The following CABCOCO1 variants were observed in gnomAD, a reference collection of about 807,000 sequenced individuals.
The protein encoded by CABCOCO1 is ciliary-associated calcium-binding coiled-coil protein 1.
In CABCOCO1, 28 loss-of-function variants were observed where a neutral mutation model predicts 35.7. That is an observed-to-expected ratio of 0.78 (90% confidence interval 0.58 to 1.07). CABCOCO1 has a LOEUF of 1.07. CABCOCO1 is among the 50% of genes least tolerant of loss of function. The probability of loss-of-function intolerance (pLI) is 0.00; values close to 1 mark genes in which losing one functional copy is unlikely to be tolerated. For missense variants in CABCOCO1, 326 were observed against 309.2 expected, an observed-to-expected ratio of 1.05 and a Z score of -0.41; for synonymous variants, 95 against 100.1, an observed-to-expected ratio of 0.95 and a Z score of 0.30.
At chr10:61,693,836 A>G (rs1232458641) in intron 5 of CABCOCO1, among the ~76,000 whole-genome samples, 1 of 151,938 alleles carries the variant, frequency 6.6e-6, no homozygotes, top group Non-Finnish European at 1.5e-5. Flanking sequence ...AGGGCAGAAG[A>G]CATGGAATAT....
intron 6 of CABCOCO1, among the ~76,000 whole-genome samples, 156 bp downstream of exon 6, chr10:61,760,337 C>T (rs61850527): frequency 0.042 from 6,444 of 152,062 alleles, 242 homozygotes; most frequent in African/African-American, 0.091. Flanking sequence ...AAGATGAGTC[C>T]GCTGATGGTA....
chr10:61,751,406 A>G (rs114812212), intron 5 of CABCOCO1, among the ~76,000 whole-genome samples: 15 of 152,050 alleles, frequency 9.9e-5, no homozygotes, highest in South Asian at 6.2e-4. Context: ...GGTGCCCCCA[A>G]TGAGTTTTAT....
rs188407302 is a variant in CABCOCO1 at position 61,663,850 on chromosome 10, C to G, written c.60+818C>G. Among the ~76,000 whole-genome samples the G allele has an allele frequency of 1.2e-3, 189 of 152,236 alleles. 1 individual carries two copies. The highest frequency in any genetic ancestry group is 2.0e-3 in the Non-Finnish European group (137 of 68,030). The stretch of plus-strand genomic sequence containing the variant: ...AAAAAAAAAAGTTTAAATCTTTGCA[C>G]ACGGAGTCTGTTACGATTGTTCCTA... On this transcript the variant is annotated intron_variant, in intron 1 of 7. Transcript: ENST00000648843.
rs945465294 is a variant in CABCOCO1, at chr10:61,680,693, C to T, written c.165-450C>T. On this transcript the variant is annotated intron_variant, in intron 2 of 7. Coordinates refer to ENST00000648843, the MANE Select transcript of CABCOCO1 (RefSeq NM_001366906.2). ...TAACATATATGTTATACATGTATAA[C>T]ATATATATGTTATACATGTATAACA... Among the ~76,000 whole-genome samples, 20 of 53,606 alleles carry T rather than the reference C, an allele frequency of 3.7e-4. 2 individuals are homozygous for T. Among genetic ancestry groups the T allele is most frequent in the Admixed American group, 8.4e-4 (4 of 4,746 alleles). 35.2% of individuals were successfully genotyped at this position (53,606 alleles called of 152,430 possible). A position where few individuals can be genotyped will look rare whatever the true frequency, so the allele number is the denominator to read the frequency against.
chr10:61,729,778 GC>G (rs953270500), intron 5 of CABCOCO1, among the ~76,000 whole-genome samples: 10 of 152,112 alleles, frequency 6.6e-5, no homozygotes, highest in Non-Finnish European at 1.3e-4. Context: ...ATATTACTCA[GC>G]CTTTAAAAAG....
At chr10:61,746,074 A>T (rs1841653252) in intron 5 of CABCOCO1, among the ~76,000 whole-genome samples, 1 of 152,208 alleles carries the variant, frequency 6.6e-6, no homozygotes, top group African/African-American at 2.4e-5. Context: ...AGTCTACAAA[A>T]TATAGGCCTA....
At chr10:61,747,609 G>T (rs1430361561) in intron 5 of CABCOCO1, among the ~76,000 whole-genome samples, 3 of 152,120 alleles carry the variant, frequency 2.0e-5, no homozygotes, top group Non-Finnish European at 2.9e-5. Context: ...TTTAGCCCTG[G>T]TTTCTTGTTT....
intron 1 of CABCOCO1, among the ~76,000 whole-genome samples, chr10:61,667,249 A>G (rs1363499515): frequency 6.7e-6 from 1 of 148,940 alleles, no homozygotes; most frequent in Non-Finnish European, 1.5e-5. Context: ...AATTTTGTAT[A>G]TGCATACATA....
At chr10:61,667,724 A>G (rs926844828) in intron 1 of CABCOCO1, among the ~76,000 whole-genome samples, 1 of 151,904 alleles carries the variant, frequency 6.6e-6, no homozygotes, top group African/African-American at 2.4e-5. Context: ...TGTTATATAG[A>G]ACCATCTTGC....
At chr10:61,675,093 T>A (rs1366703149) in intron 2 of CABCOCO1, among the ~76,000 whole-genome samples, 1 of 152,126 alleles carries the variant, frequency 6.6e-6, no homozygotes, top group Non-Finnish European at 1.5e-5. Context: ...TTACCCAAAT[T>A]CTTGGTGAGA....
intron 5 of CABCOCO1, among the ~76,000 whole-genome samples, chr10:61,759,727 A>G (rs907044750): frequency 7.2e-5 from 11 of 152,056 alleles, no homozygotes; most frequent in African/African-American, 2.4e-4. Flanking sequence ...CAGAGCATCT[A>G]AAACTTGGTT....
chr10:61,755,738 A>T (rs143608780), intron 5 of CABCOCO1, among the ~76,000 whole-genome samples: 2 of 152,198 alleles, frequency 1.3e-5, no homozygotes, highest in African/African-American at 4.8e-5. Context: ...CACACAAATC[A>T]CTATACTTTC....
chr10:61,765,504 A>G (rs889609247), intron 7 of CABCOCO1, among the ~76,000 whole-genome samples: 1 of 152,188 alleles, frequency 6.6e-6, no homozygotes, highest in African/African-American at 2.4e-5. Flanking sequence ...TTATTTCACA[A>G]CAGAAGCTTC....
intron 5 of CABCOCO1, among the ~76,000 whole-genome samples, chr10:61,703,230 AC>A (rs1840505464): frequency 4.1e-5 from 2 of 48,546 alleles, no homozygotes; most frequent in Non-Finnish European, 9.5e-5. Context: ...GTGAGGAGAC[AC>A]ACACACACAC....
chr10:61,707,464 T>G lies in CABCOCO1; in HGVS notation c.552+16843T>G, dbSNP rs181107259. Among the ~76,000 whole-genome samples the G allele has an allele frequency of 1.6e-3, 249 of 152,310 alleles. 1 individual carries two copies. The highest frequency in any genetic ancestry group is 5.6e-3 in the African/African-American group (234 of 41,566). Reference sequence around the variant, plus strand: ...TACTATCTGTTTAGCCATTTTCTACTTATCACCTGTGGATGTCCAGAGGAT... The same window carrying G: ...TACTATCTGTTTAGCCATTTTCTACGTATCACCTGTGGATGTCCAGAGGAT... On this transcript the variant is annotated intron_variant, in intron 5 of 7. Coordinates refer to ENST00000648843, the MANE Select transcript of CABCOCO1 (RefSeq NM_001366906.2).
At chr10:61,728,500 A>G (rs888597764) in intron 5 of CABCOCO1, among the ~76,000 whole-genome samples, 1 of 152,212 alleles carries the variant, frequency 6.6e-6, no homozygotes, top group African/African-American at 2.4e-5. Context: ...CTTGACAACT[A>G]CAAAGAAATA....
intron 1 of CABCOCO1, among the ~76,000 whole-genome samples, chr10:61,667,392 AT>A (rs1328261282): frequency 3.4e-5 from 5 of 148,858 alleles, no homozygotes; most frequent in Admixed American, 6.7e-5. Flanking sequence ...AGTTCACTCT[AT>A]TTTTTTTTCT....
At chr10:61,702,120 T>C (rs1840474499) in intron 5 of CABCOCO1, among the ~76,000 whole-genome samples, 1 of 152,158 alleles carries the variant, frequency 6.6e-6, no homozygotes, top group South Asian at 2.1e-4. Context: ...AATTGAGAGA[T>C]AATAGGTTAC....
intron 5 of CABCOCO1, among the ~76,000 whole-genome samples, chr10:61,695,180 A>G (rs1257935930): frequency 6.6e-6 from 1 of 151,880 alleles, no homozygotes; most frequent in East Asian, 1.9e-4. Context: ...AAAGATTACA[A>G]TATTAAATGG....
Sources: gnomAD v4.1 joint callset for allele counts (sites outside exome capture counted in the v4.1 genomes callset) on GRCh38, gnomAD v4.1.1 for gene constraint, MANE v1.5 for transcripts, NCBI Gene and HGNC (gene_info 2026-07-23, HGNC 2026-07-21) for gene names.